Variants in PCSK5 observed in about 807,000 individuals in gnomAD.
PCSK5 encodes the protein proprotein convertase subtilisin/kexin type 5.
In PCSK5, 129 loss-of-function variants were observed where a neutral mutation model predicts 233.2. That is an observed-to-expected ratio of 0.55 (90% confidence interval 0.48 to 0.64). The LOEUF is 0.64. PCSK5 is among the 30% of genes least tolerant of loss of function. PCSK5 has a pLI of 0.00. For missense variants in PCSK5, 2,076 were observed against 2,430.1 expected (o/e 0.85, Z 3.06); for synonymous variants, 825 against 879.2 (o/e 0.94, Z 1.09).
chr9:76,110,657 T>C lies in PCSK5; in HGVS notation c.1208+3306T>C, dbSNP rs577647772. Among the ~76,000 whole-genome samples, 24 of 151,876 alleles carry C rather than the reference T, an allele frequency of 1.6e-4. No homozygotes were observed. In the South Asian group the frequency reaches 3.6e-3, roughly 22 times the overall value. On this transcript the variant is annotated intron_variant, in intron 9 of 37. Coordinates refer to ENST00000674117, the MANE Select transcript of PCSK5 (RefSeq NM_001372043.1). ...GCTGCAGTGAGCTATGATCACACCA[T>C]TGCACTACAGCCCAGGCAACAGAAT...
intron 1 of PCSK5, among the ~76,000 whole-genome samples, chr9:75,902,905 C>A (rs1826102688): frequency 6.6e-6 from 1 of 152,082 alleles, no homozygotes; most frequent in Non-Finnish European, 1.5e-5. Context: ...AACTGAAGAT[C>A]GTGTTGAACA....
At chr9:76,063,082 A>T in intron 5 of PCSK5, among the ~76,000 whole-genome samples, 1 of 152,100 alleles carries the variant, frequency 6.6e-6, no homozygotes, top group Non-Finnish European at 1.5e-5. Context: ...GTCACTTAAC[A>T]TAATGACCTC....
At chr9:76,102,494 A>G (rs552146880) in intron 8 of PCSK5, among the ~76,000 whole-genome samples, 1 of 152,152 alleles carries the variant, frequency 6.6e-6, no homozygotes, top group Non-Finnish European at 1.5e-5. Context: ...TCCAATGAAC[A>G]TTTCCTTTGA....
chr9:76,050,666 G>C lies in PCSK5; in HGVS notation c.633-17289G>C, dbSNP rs186231603. On this transcript the variant is annotated intron_variant, in intron 5 of 37. Coordinates refer to ENST00000674117, the MANE Select transcript of PCSK5 (RefSeq NM_001372043.1). The stretch of plus-strand genomic sequence containing the variant: ...TTATAACACCTTGTACGTAAACCTT[G>C]ATTAACTTGTACCACAATACTTGGT... Among the ~76,000 whole-genome samples the C allele has an allele frequency of 3.2e-3, 489 of 152,264 alleles. 4 individuals are homozygous for C. The highest frequency in any genetic ancestry group is 0.011 in the African/African-American group (460 of 41,544).
intron 24 of PCSK5, among the ~76,000 whole-genome samples, chr9:76,257,047 C>T (rs1827005970): frequency 6.6e-6 from 1 of 152,194 alleles, no homozygotes; most frequent in South Asian, 2.1e-4. Flanking sequence ...ATTTAATTTG[C>T]TTTCTCTCTA....
intron 7 of PCSK5, among the ~76,000 whole-genome samples, chr9:76,081,440 G>T (rs1830831491): frequency 6.6e-6 from 1 of 151,394 alleles, no homozygotes; most frequent in African/African-American, 2.4e-5. Context: ...GGCAACAAGA[G>T]CAAAACTCTG....
At chr9:76,036,575 A>G (rs10521467) in intron 5 of PCSK5, among the ~76,000 whole-genome samples, 17,589 of 152,204 alleles carry the variant, frequency 0.12, 1,189 homozygotes, top group Non-Finnish European at 0.14. Context: ...TAAACAACCA[A>G]AACACCTACA....
At chr9:76,105,305 C>A (rs994040276) in intron 8 of PCSK5, among the ~76,000 whole-genome samples, 1 of 152,096 alleles carries the variant, frequency 6.6e-6, no homozygotes, top group Admixed American at 6.5e-5. Flanking sequence ...TGTGTGATTC[C>A]ACTTACATGA....
At chr9:76,251,578 AAAGAC>A (rs1826808007) in intron 24 of PCSK5, among the ~76,000 whole-genome samples, 2 of 151,290 alleles carry the variant, frequency 1.3e-5, no homozygotes, top group African/African-American at 4.9e-5. Context: ...AAAAAAAAAA[AAAGAC>A]AGAAAGAAAA....
chr9:76,195,530 A>G (rs1023652816), intron 20 of PCSK5: 1 of 152,192 alleles, frequency 6.6e-6, no homozygotes, highest in East Asian at 1.9e-4. Flanking sequence ...ATTTATCTAC[A>G]TAACATTATT....
chr9:76,031,580 T>G (rs2131506478), intron 5 of PCSK5, among the ~76,000 whole-genome samples: 1 of 152,042 alleles, frequency 6.6e-6, no homozygotes, highest in South Asian at 2.1e-4. Flanking sequence ...TCCCAGAAAC[T>G]TGGGAGGCTG....
chr9:76,349,847 A>G (rs950720912), intron 35 of PCSK5, among the ~76,000 whole-genome samples: 1 of 152,238 alleles, frequency 6.6e-6, no homozygotes, highest in African/African-American at 2.4e-5. Context: ...ACCTGCATAG[A>G]ATAAATGTTT....
At chr9:76,110,357 T>C (rs1212446301) in intron 9 of PCSK5, among the ~76,000 whole-genome samples, 1 of 152,232 alleles carries the variant, frequency 6.6e-6, no homozygotes, top group Non-Finnish European at 1.5e-5. Context: ...TTATTGTTTC[T>C]CTGAATATCA....
chr9:76,262,436 T>C (rs1458022387), intron 24 of PCSK5, among the ~76,000 whole-genome samples: 6 of 152,042 alleles, frequency 3.9e-5, no homozygotes, highest in Admixed American at 2.6e-4. Context: ...GAGATATGGA[T>C]CAATGGAACA....
intron 25 of PCSK5, among the ~76,000 whole-genome samples, chr9:76,293,739 G>A (rs189217332): frequency 3.3e-5 from 5 of 152,132 alleles, no homozygotes; most frequent in Admixed American, 6.5e-5. Context: ...TCCACTACTC[G>A]CTAATGAGCA....
At chr9:75,918,518 G>A (rs1823105358) in intron 1 of PCSK5, among the ~76,000 whole-genome samples, 1 of 152,198 alleles carries the variant, frequency 6.6e-6, no homozygotes, top group South Asian at 2.1e-4. Flanking sequence ...TTTATATTAG[G>A]TGTGGTATGG....
At chr9:76,202,968 A>C (rs1034158536) in intron 20 of PCSK5, among the ~76,000 whole-genome samples, 5 of 152,214 alleles carry the variant, frequency 3.3e-5, no homozygotes, top group Non-Finnish European at 5.9e-5. Flanking sequence ...AAAATGAATG[A>C]ATGAATAATT....
chr9:76,292,497 C>G (rs111422183), intron 25 of PCSK5, among the ~76,000 whole-genome samples: 1 of 152,182 alleles, frequency 6.6e-6, no homozygotes, highest in Admixed American at 6.5e-5. Flanking sequence ...AGTCATCCAG[C>G]CTGACACTGG....
chr9:76,296,903 C>A, intron 27 of PCSK5, 38 bp downstream of exon 27: 3 of 1,318,486 alleles, frequency 2.3e-6, no homozygotes, highest in Non-Finnish European at 3.3e-6. Context: ...AGGGGTCTAG[C>A]GACCTACTCT....
Sources: allele counts gnomAD v4.1 joint callset (sites outside exome capture counted in the v4.1 genomes callset), GRCh38; gene constraint gnomAD v4.1.1; transcripts MANE v1.5; gene names NCBI Gene and HGNC (gene_info 2026-07-23, HGNC 2026-07-21).